Variants in DIP2B observed in about 807,000 individuals in gnomAD.
DIP2B encodes disco-interacting protein 2 homolog B.
A neutral mutation model predicts 198.0 loss-of-function variants in DIP2B; 76 were observed. The observed-to-expected ratio is 0.38, with a 90% CI of 0.32 to 0.46. DIP2B has a LOEUF of 0.46. DIP2B is among the 20% of genes least tolerant of loss of function. DIP2B has a pLI of 0.99. For synonymous variants in DIP2B, 701 were observed against 739.1 expected, an observed-to-expected ratio of 0.95 and a Z score of 0.84; for missense variants, 1,559 against 1,978.4, an observed-to-expected ratio of 0.79 and a Z score of 4.02.
intron 1 of DIP2B, among the ~76,000 whole-genome samples, chr12:50,521,237 G>A (rs1958116105): frequency 6.6e-6 from 1 of 151,262 alleles, no homozygotes; most frequent in Non-Finnish European, 1.5e-5. Flanking sequence ...CTCCTGAGTA[G>A]CTGAGATTAC....
rs751878677 is a variant in DIP2B at position 50,674,636 on chromosome 12, A to G, written c.796+7A>G. Reference sequence around the variant, plus strand: ...CTTATGGATACAGCTGATGGTAAGGAGTTGTTTTTGGTAGCTCAATTGTAG... The same window carrying G: ...CTTATGGATACAGCTGATGGTAAGGGGTTGTTTTTGGTAGCTCAATTGTAG... On this transcript the variant is annotated splice_region_variant and intron_variant, in intron 6 of 37. Transcript: ENST00000301180. 26 of 1,613,834 alleles carry G rather than the reference A, an allele frequency of 1.6e-5. No homozygotes were observed. Among genetic ancestry groups the G allele is most frequent in the Non-Finnish European group, 2.1e-5 (25 of 1,179,896 alleles).
chr12:50,523,308 T>G (rs1958136448), intron 1 of DIP2B, among the ~76,000 whole-genome samples: 1 of 152,140 alleles, frequency 6.6e-6, no homozygotes, highest in Non-Finnish European at 1.5e-5. Context: ...ACTATGTCAA[T>G]AGTTGTTATT....
intron 1 of DIP2B, among the ~76,000 whole-genome samples, chr12:50,511,929 A>G (rs1037693457): frequency 2.2e-5 from 3 of 136,250 alleles, no homozygotes; most frequent in Non-Finnish European, 4.7e-5. Context: ...GCCTGGCAAC[A>G]GAGCAAGACT....
chr12:50,731,544 A>G lies in DIP2B; in HGVS notation c.3810+7A>G, dbSNP rs773359485. On this transcript the variant is annotated splice_region_variant and intron_variant, in intron 31 of 37. Transcript: ENST00000301180. ...CCAAGTGGAAGTGCTAAAGGTAAGA[A>G]GCAGCTCCAGCAGGTGGCCAGTCCC... is the stretch of plus-strand genomic sequence containing the variant. 2 of 1,605,416 alleles carry G rather than the reference A, an allele frequency of 1.2e-6. No homozygotes were observed. Among genetic ancestry groups the G allele is most frequent in the Non-Finnish European group, 1.7e-6 (2 of 1,174,786 alleles).
intron 1 of DIP2B, among the ~76,000 whole-genome samples, chr12:50,556,283 C>T (rs547976885): frequency 2.6e-4 from 39 of 152,108 alleles, no homozygotes; most frequent in African/African-American, 8.9e-4. Flanking sequence ...CTCCCGACCT[C>T]GTGATCTGTC....
Position 50,556,683 on chromosome 12 carries a change from C to T in DIP2B, c.100+51443C>T, listed in dbSNP as rs538587594. 3.9e-5 allele frequency among the ~76,000 whole-genome samples: 6 copies of T among 152,010 alleles called. No individual in the cohort carries two copies. In the South Asian group the frequency reaches 1.2e-3, roughly 32 times the overall value. ...TCAGCCTCTCCAGCAGCTGGGACTA[C>T]AGGCGCATGCCACCACACCTGGCTA... On this transcript the variant is annotated intron_variant, in intron 1 of 37. Transcript: ENST00000301180.
chr12:50,649,388 A>T (rs1938414090), intron 3 of DIP2B, among the ~76,000 whole-genome samples: 2 of 152,234 alleles, frequency 1.3e-5, no homozygotes, highest in Admixed American at 1.3e-4. Flanking sequence ...TGGCACACAG[A>T]TTAGAAGGCA....
At chr12:50,508,204 A>T (rs1957984641) in intron 1 of DIP2B, among the ~76,000 whole-genome samples, 1 of 152,238 alleles carries the variant, frequency 6.6e-6, no homozygotes, top group Non-Finnish European at 1.5e-5. Flanking sequence ...CTGCCTGGAA[A>T]TCATTTAAAA....
chr12:50,658,127 T>C (rs1385834329), intron 3 of DIP2B, among the ~76,000 whole-genome samples: 2 of 151,128 alleles, frequency 1.3e-5, no homozygotes, highest in African/African-American at 4.9e-5. Context: ...AAAACAAGAA[T>C]TTCTGGGGTT....
chr12:50,695,250 C>T lies in DIP2B; in HGVS notation c.1720-17C>T. On this transcript the variant is annotated splice_polypyrimidine_tract_variant and intron_variant, in intron 14 of 37. Transcript: ENST00000301180. ...GTATTTTGTATTGATTACTTTTCTT[C>T]TTTCTTTGTTTTTCAGAATGTAATG... 1 of 1,604,328 alleles carries T rather than the reference C, an allele frequency of 6.2e-7. No individual in the cohort carries two copies. The highest frequency in any genetic ancestry group is 8.5e-7 in the Non-Finnish European group (1 of 1,173,704).
At chr12:50,707,013 A>G (rs1285912800) in intron 21 of DIP2B, among the ~76,000 whole-genome samples, 1 of 152,222 alleles carries the variant, frequency 6.6e-6, no homozygotes, top group Non-Finnish European at 1.5e-5. Flanking sequence ...CATTCAGACT[A>G]ACTGATATAG....
intron 2 of DIP2B, 75 bp downstream of exon 2, chr12:50,626,122 T>G (rs1937929811): frequency 1.4e-6 from 2 of 1,466,760 alleles, no homozygotes; most frequent in Non-Finnish European, 1.9e-6. Context: ...GACCTCTATC[T>G]TTTGTTTGTT....
chr12:50,697,648 A>C (rs1177426038), intron 17 of DIP2B, among the ~76,000 whole-genome samples: 1 of 145,120 alleles, frequency 6.9e-6, no homozygotes, highest in Non-Finnish European at 1.5e-5. Context: ...TCCTGCCTCA[A>C]CTTCCTGAGT....
intron 1 of DIP2B, among the ~76,000 whole-genome samples, chr12:50,566,845 G>A (rs983399876): frequency 1.6e-4 from 25 of 151,988 alleles, no homozygotes; most frequent in African/African-American, 5.5e-4. Flanking sequence ...GGTGGCGGGC[G>A]CCTGTAGTCC....
intron 10 of DIP2B, 142 bp downstream of exon 10, chr12:50,683,390 T>C: frequency 1.6e-6 from 1 of 625,480 alleles, no homozygotes; most frequent in Non-Finnish European, 2.7e-6. Flanking sequence ...ACAGGAAATT[T>C]GTAGAAAAAT....
At chr12:50,518,289 A>G (rs1958083996) in intron 1 of DIP2B, among the ~76,000 whole-genome samples, 1 of 149,370 alleles carries the variant, frequency 6.7e-6, no homozygotes. Context: ...CAATAGTGCG[A>G]CCTCAGCTCG....
At chr12:50,697,673 G>T (rs1179580907) in intron 17 of DIP2B, among the ~76,000 whole-genome samples, 1 of 149,144 alleles carries the variant, frequency 6.7e-6, no homozygotes, top group African/African-American at 2.5e-5. Context: ...AGGACTACAG[G>T]CATGTACCAC....
At position 50,698,397 on chromosome 12, in the gene DIP2B, A is replaced by C; in HGVS notation, c.2118A>C (p.Val706=). ...CAATGAATGGATTGAGCTATGGGGT[A>C]ATACGGGTCAATACTGAAGATAAAA... ...ILSMNGLSYG[V]IRVNTEDKNS... is the part of the protein sequence containing the mutation. Residue 706 remains valine (V), a synonymous_variant, in exon 18 of 38, where the codon GTA becomes GTC. Transcript: ENST00000301180. 1.2e-6 allele frequency: 2 copies of C among 1,614,076 alleles called. No homozygotes were observed. Among genetic ancestry groups the C allele is most frequent in the Non-Finnish European group, 1.7e-6 (2 of 1,179,968 alleles).
chr12:50,557,416 T>C, intron 1 of DIP2B, among the ~76,000 whole-genome samples: 1 of 152,186 alleles, frequency 6.6e-6, no homozygotes, highest in African/African-American at 2.4e-5. Context: ...GCTTGGATGA[T>C]CTCTCCACTT....
Sources: allele counts gnomAD v4.1 joint callset (sites outside exome capture counted in the v4.1 genomes callset), GRCh38; gene constraint gnomAD v4.1.1; transcripts MANE v1.5; gene names NCBI Gene and HGNC (gene_info 2026-07-23, HGNC 2026-07-21).